The following SPINT4 variants were observed in gnomAD, a reference collection of about 807,000 sequenced individuals.
SPINT4 encodes serine peptidase inhibitor, Kunitz type 4, also known as kunitz-type protease inhibitor 4.
SPINT4 carries 7 observed loss-of-function variants against 9.4 expected under a neutral mutation model. The ratio of observed to expected loss-of-function variants is 0.74; its 90% CI spans 0.42 to 1.40. The LOEUF (loss-of-function observed/expected upper bound fraction) is 1.40. Ranked by LOEUF, SPINT4 falls within the 40% of genes most tolerant of loss-of-function variation. The pLI is 0.01. For synonymous variants in SPINT4, 36 were observed against 39.9 expected (o/e 0.90, Z 0.37); for missense variants, 105 against 114.4 (o/e 0.92, Z 0.37).
At chr20:45,724,995 AATATATATAT>A (rs1156730831) in intron 2 of SPINT4, among the ~76,000 whole-genome samples, 5 of 36,426 alleles carry the variant, frequency 1.4e-4, no homozygotes, top group South Asian at 1.1e-3. Flanking sequence ...AAAAAAAAAA[AATATATATAT>A]ATATATATAT....
Position 45,723,957 on chromosome 20 carries a change from A to T in SPINT4, c.193A>T (p.Arg65Ter). 1 of 1,608,722 alleles carries T rather than the reference A, an allele frequency of 6.2e-7. No individual in the cohort carries two copies. The highest frequency in any genetic ancestry group is 8.5e-7 in the Non-Finnish European group (1 of 1,178,648). The change falls in exon 2 of 3, where the codon AGA (arginine) becomes TGA (stop). Residue 65 changes from arginine to a stop codon, truncating the protein, a stop_gained. Coordinates refer to ENST00000279058, the MANE Select transcript of SPINT4 (RefSeq NM_178455.3). LOFTEE classifies it high-confidence loss of function. ...ATATTTCTACAACAGAACCTCCAAAAGATGTGAAACTTTTGTCTTCTCCGG... is the reference window on the plus strand; with the variant it reads ...ATATTTCTACAACAGAACCTCCAAATGATGTGAAACTTTTGTCTTCTCCGG... ...FRYFYNRTSK[R>*]CETFVFSGCN...
chr20:45,723,700 T>C (rs1321763795), intron 1 of SPINT4, among the ~76,000 whole-genome samples, 180 bp from the exon 2 acceptor site: 2 of 152,112 alleles, frequency 1.3e-5, no homozygotes, highest in Non-Finnish European at 2.9e-5. Flanking sequence ...CCAATTTGCA[T>C]TGTGCAAGGG....
At chr20:45,723,828 C>A in intron 1 of SPINT4, 52 bp from the exon 2 acceptor site, 1 of 1,454,578 alleles carries the variant, frequency 6.9e-7, no homozygotes, top group East Asian at 2.5e-5. Flanking sequence ...GACAAGTTCT[C>A]CTGCTGAGTC....
chr20:45,723,959 A>T lies in SPINT4; in HGVS notation c.195A>T (p.Arg65Ser). The T allele has an allele frequency of 6.2e-7, 1 of 1,609,186 alleles. No individual in the cohort carries two copies. Among genetic ancestry groups the T allele is most frequent in the African/African-American group, 1.3e-5 (1 of 74,432 alleles). Residue 65 changes from arginine to serine, a missense_variant, in exon 2 of 3, where the codon AGA (arginine) becomes AGT (serine). By Grantham distance (110) the Arg-to-Ser change is moderately radical. Transcript: ENST00000279058. ...FRYFYNRTSK[R>S]CETFVFSGCN... ...ATTTCTACAACAGAACCTCCAAAAG[A>T]TGTGAAACTTTTGTCTTCTCCGGCT... is the stretch of plus-strand genomic sequence containing the variant.
chr20:45,724,780 A>G (rs925475691), intron 2 of SPINT4, among the ~76,000 whole-genome samples: 2 of 149,452 alleles, frequency 1.3e-5, no homozygotes, highest in Non-Finnish European at 3.0e-5. Flanking sequence ...GGAGATCGAG[A>G]CCATCCTGGC....
chr20:45,722,437 G>C lies in SPINT4; in HGVS notation c.70G>C (p.Gly24Arg), dbSNP rs763356875. 3 of 1,613,692 alleles carry C rather than the reference G, an allele frequency of 1.9e-6. No homozygotes were observed. Among genetic ancestry groups the C allele is most frequent in the Non-Finnish European group, 2.5e-6 (3 of 1,179,624 alleles). Residue 24 changes from glycine (G) to arginine (R), a missense_variant, in exon 1 of 3, where the codon GGT becomes CGT. By Grantham distance (125) the Gly-to-Arg change is moderately radical. Transcript: ENST00000279058. ...IFCSLNTLLL[G>R]GVNKIAEKIC... ...CTGCTCATTGAATACCCTGTTATTG[G>C]GTGGTGTTAATAAAATTGCGGAGAA...
rs1398900045 is a variant in SPINT4 at position 45,724,316 on chromosome 20, C to A, written c.293+259C>A. ...CCAGCCTGACCAACATGGAGAAACC[C>A]CATCTTTACTAAAAATACAAAATTA... is the stretch of plus-strand genomic sequence containing the variant. On this transcript the variant is annotated intron_variant, in intron 2 of 2. Transcript: ENST00000279058. Among the ~76,000 whole-genome samples the A allele has an allele frequency of 2.9e-4, 44 of 151,626 alleles. No homozygotes were observed. The East Asian group carries it at 7.8e-3, about 27-fold the overall frequency.
In SPINT4 at chr20:45,723,981, G is replaced by GCTTCTCCA. The variant is rs771290287; in HGVS notation, c.217_218insCTTCTCCA (p.Gly73AlafsTer16). The GCTTCTCCA allele has an allele frequency of 1.1e-5, 18 of 1,610,170 alleles. No homozygotes were observed. Among genetic ancestry groups the GCTTCTCCA allele is most frequent in the Non-Finnish European group, 1.4e-5 (17 of 1,178,906 alleles). ...AAGATGTGAAACTTTTGTCTTCTCC[G>GCTTCTCCA]GCTGTAATGGCAACCTTAACAACTT... On this transcript the variant is annotated frameshift_variant, in exon 2 of 3. Transcript: ENST00000279058. LOFTEE classifies it high-confidence loss of function.
chr20:45,724,979 C>CAAAAAAAAAAAAAAAA (rs1168670011), intron 2 of SPINT4, among the ~76,000 whole-genome samples: 4 of 27,178 alleles, frequency 1.5e-4, no homozygotes, highest in African/African-American at 8.6e-4. Context: ...GACTCCATCT[C>CAAAAAAAAAAAAAAAA]AAAAAAAAAA....
At chr20:45,722,615 C>T (rs1007637767) in intron 1 of SPINT4, 133 bp downstream of exon 1, 3 of 675,874 alleles carry the variant, frequency 4.4e-6, no homozygotes, top group South Asian at 1.7e-5. Flanking sequence ...ACACTTAGTC[C>T]CTTGACTCAG....
intron 2 of SPINT4, among the ~76,000 whole-genome samples, chr20:45,724,994 AAATATAT>A: frequency 9.4e-6 from 1 of 106,462 alleles, no homozygotes; most frequent in South Asian, 3.1e-4. Context: ...AAAAAAAAAA[AAATATAT>A]ATATATATAT....
In SPINT4 at chr20:45,723,768, A is replaced by G. The variant is rs962999785; in HGVS notation, c.116-112A>G. ...AAACCACATCTTTCAGAGTCCTTGA[A>G]TATGAGAATAGTTCCAGGCTAAACG... On this transcript the variant is annotated intron_variant, in intron 1 of 2. Transcript: ENST00000279058. 4 of 856,652 alleles carry G rather than the reference A, an allele frequency of 4.7e-6. No individual in the cohort carries two copies. In the South Asian group the frequency reaches 8.1e-5, roughly 17 times the overall value. The allele number at this position is 856,652 out of a possible 1,614,324, so 53.1% of individuals were successfully genotyped here.
chr20:45,725,687 A>G lies in SPINT4; in HGVS notation c.*52A>G. 2 of 1,604,990 alleles carry G rather than the reference A, an allele frequency of 1.2e-6. No individual in the cohort carries two copies. The highest frequency in any genetic ancestry group is 1.7e-4 in the Middle Eastern group (1 of 6,054). On this transcript the variant is annotated 3_prime_UTR_variant, in exon 3 of 3. Coordinates refer to ENST00000279058, the MANE Select transcript of SPINT4 (RefSeq NM_178455.3). ...GCTGCACCATCCGAAATAAAGACAC[A>G]AGAAAATTCAGACTGATTTTGAAAT... is the stretch of plus-strand genomic sequence containing the variant.
At chr20:45,722,517 C>A in intron 1 of SPINT4, 35 bp downstream of exon 1, 1 of 1,454,704 alleles carries the variant, frequency 6.9e-7, no homozygotes, top group South Asian at 1.1e-5. Flanking sequence ...ATCCAAAGGT[C>A]AATTATGAAT....
intron 2 of SPINT4, 114 bp from the exon 3 acceptor site, chr20:45,725,515 A>T: frequency 1.9e-6 from 2 of 1,048,726 alleles, no homozygotes; most frequent in Admixed American, 3.6e-5. Context: ...AAACATTGAG[A>T]TAGAAGGCAT....
At chr20:45,723,793 G>A (rs1185966668) in intron 1 of SPINT4, 87 bp from the exon 2 acceptor site, 7 of 1,112,080 alleles carry the variant, frequency 6.3e-6, no homozygotes, top group South Asian at 5.2e-5. Flanking sequence ...CAGGCTAAAC[G>A]TAGGAATTTT....
rs769960383 is a variant in SPINT4 at position 45,723,894 on chromosome 20, G to T, written c.130G>T (p.Asp44Tyr). 22 of 1,591,534 alleles carry T rather than the reference G, an allele frequency of 1.4e-5. No individual in the cohort carries two copies. The Admixed American group carries it at 3.9e-4, about 28-fold the overall frequency. ...CGDLKDPCKL[D>Y]MNFGSCYEVH... ...CTCTCATGCAGATCCCTGCAAATTG[G>T]ACATGAATTTTGGAAGCTGCTATGA... Residue 44 changes from aspartate (D) to tyrosine (Y), a missense_variant, in exon 2 of 3, where the codon GAC becomes TAC. By Grantham distance (160) the Asp-to-Tyr change is radical. Transcript: ENST00000279058.
chr20:45,722,892 T>C (rs1193697075), intron 1 of SPINT4, among the ~76,000 whole-genome samples: 4 of 152,148 alleles, frequency 2.6e-5, no homozygotes, highest in Non-Finnish European at 5.9e-5. Flanking sequence ...GGACAGATGA[T>C]TCCTGTTTAG....
rs771483698 is a variant in SPINT4, at chr20:45,723,907, G to A, written c.143G>A (p.Gly48Glu). ...CCCTGCAAATTGGACATGAATTTTGGAAGCTGCTATGAAGTTCACTTTAGA... is the reference window on the plus strand; with the variant it reads ...CCCTGCAAATTGGACATGAATTTTGAAAGCTGCTATGAAGTTCACTTTAGA... ...KDPCKLDMNF[G>E]SCYEVHFRYF... The change falls in exon 2 of 3, where the codon GGA (glycine) becomes GAA (glutamate). Residue 48 changes from glycine (G) to glutamate (E), a missense_variant. Coordinates refer to ENST00000279058, the MANE Select transcript of SPINT4 (RefSeq NM_178455.3). 2 of 1,590,932 alleles carry A rather than the reference G, an allele frequency of 1.3e-6. No individual in the cohort carries two copies. Among genetic ancestry groups the A allele is most frequent in the Non-Finnish European group, 1.7e-6 (2 of 1,173,720 alleles).
Sources: gnomAD v4.1 joint callset for allele counts (sites outside exome capture counted in the v4.1 genomes callset) on GRCh38, gnomAD v4.1.1 for gene constraint, MANE v1.5 for transcripts, NCBI Gene and HGNC (gene_info 2026-07-23, HGNC 2026-07-21) for gene names.